The following RARS2 variants were observed in gnomAD, a reference collection of about 807,000 sequenced individuals.
RARS2 encodes arginyl-tRNA synthetase 2, mitochondrial.
A neutral mutation model predicts 88.5 loss-of-function variants in RARS2; 67 were observed. The ratio of observed to expected loss-of-function variants is 0.76; its 90% CI spans 0.62 to 0.93. RARS2 has a LOEUF of 0.93. RARS2 is among the 40% of genes least tolerant of loss of function. The probability of loss-of-function intolerance (pLI) is 0.00; values close to 1 mark genes in which losing one functional copy is unlikely to be tolerated. For missense variants in RARS2, 664 were observed against 684.2 expected, an observed-to-expected ratio of 0.97 and a Z score of 0.33; for synonymous variants, 239 against 230.3, an observed-to-expected ratio of 1.04 and a Z score of -0.34.
intron 8 of RARS2, among the ~76,000 whole-genome samples, chr6:87,533,114 T>C (rs2128074277): frequency 6.6e-6 from 1 of 152,242 alleles, no homozygotes; most frequent in South Asian, 2.1e-4. Context: ...TTTTTTTTCA[T>C]AAAGCCTTTC....
intron 1 of RARS2, 33 bp from the exon 2 acceptor site, chr6:87,569,623 T>C (rs1769001401): frequency 2.0e-6 from 3 of 1,513,056 alleles, no homozygotes; most frequent in East Asian, 2.3e-5. Context: ...CAGTGTAAGA[T>C]TGTTCACATA....
rs780327949 is a variant in RARS2 at position 87,541,978 on chromosome 6, G to A, written c.552C>T (p.Gly184=). ...TTTCCTCATAGCCAAACAGCTGGAA[G>A]CCAGTTCCCAGAAGACCTACCATGA... ...WGMQFGLLGT[G]FQLFGYEEKL... is the part of the protein sequence containing the mutation. The change falls in exon 8 of 20, where the codon GGC becomes GGT. Residue 184 remains glycine (G), a synonymous_variant. Coordinates refer to ENST00000369536, the MANE Select transcript of RARS2 (RefSeq NM_020320.5). The A allele has an allele frequency of 1.2e-6, 2 of 1,613,054 alleles. No homozygotes were observed. Among genetic ancestry groups the A allele is most frequent in the South Asian group, 2.2e-5 (2 of 91,056 alleles).
chr6:87,566,495 C>A (rs1448677853), intron 2 of RARS2, among the ~76,000 whole-genome samples: 1 of 152,026 alleles, frequency 6.6e-6, no homozygotes, highest in Non-Finnish European at 1.5e-5. Flanking sequence ...AAAAATAAAA[C>A]CTTTAAAAAG....
Position 87,568,763 on chromosome 6 carries a change from T to C in RARS2, c.110+754A>G, listed in dbSNP as rs1411417958. Reference sequence around the variant, plus strand: ...TCTTTGTTCTATTCTGAGAAGAATATTCATTCTACTCTTAAAGTCCTGACA... The same window carrying C: ...TCTTTGTTCTATTCTGAGAAGAATACTCATTCTACTCTTAAAGTCCTGACA... On this transcript the variant is annotated intron_variant, in intron 2 of 19. Transcript: ENST00000369536. Among the ~76,000 whole-genome samples, 5 of 152,338 alleles carry C rather than the reference T, an allele frequency of 3.3e-5. No individual in the cohort carries two copies. The East Asian group carries it at 9.6e-4, about 29-fold the overall frequency.
intron 4 of RARS2, among the ~76,000 whole-genome samples, chr6:87,556,916 T>C (rs1224467869): frequency 6.6e-6 from 1 of 151,496 alleles, no homozygotes; most frequent in Non-Finnish European, 1.5e-5. Context: ...CCTCCTAAAG[T>C]GCTGGGATTA....
At chr6:87,546,612 C>T (rs1158597899) in intron 6 of RARS2, among the ~76,000 whole-genome samples, 1 of 152,180 alleles carries the variant, frequency 6.6e-6, no homozygotes, top group African/African-American at 2.4e-5. Flanking sequence ...GAGGCAGGAG[C>T]TCCCTTGATG....
At chr6:87,574,398 T>C (rs1770753857) in intron 1 of RARS2, among the ~76,000 whole-genome samples, 1 of 152,190 alleles carries the variant, frequency 6.6e-6, no homozygotes, top group African/African-American at 2.4e-5. Context: ...GGAGTTTATA[T>C]TTTTGCAACC....
intron 8 of RARS2, among the ~76,000 whole-genome samples, chr6:87,531,491 C>CTAT: frequency 6.6e-6 from 1 of 152,316 alleles, no homozygotes; most frequent in South Asian, 2.1e-4. Flanking sequence ...AAACTGTTCT[C>CTAT]TAAATAGCTT....
At chr6:87,562,609 G>A in intron 4 of RARS2, 93 bp downstream of exon 4, 1 of 913,122 alleles carries the variant, frequency 1.1e-6, no homozygotes, top group East Asian at 2.5e-5. Context: ...TGAGGCCAGA[G>A]GAGGCATAAA....
Position 87,569,435 on chromosome 6 carries a change from G to A in RARS2, c.110+82C>T. 9.3e-6 allele frequency: 10 copies of A among 1,075,736 alleles called. No individual in the cohort carries two copies. The South Asian group carries it at 1.1e-4, about 12-fold the overall frequency. The allele number at this position is 1,075,736 out of a possible 1,614,324, so 66.6% of individuals were successfully genotyped here. A position where few individuals can be genotyped will look rare whatever the true frequency, so the allele number is the denominator to read the frequency against. Reference sequence around the variant, plus strand: ...CAAGGACTATTCCACAAACTGAAGAGTAACAATTCTTTTTTGCTTTTTTGG... The same window carrying A: ...CAAGGACTATTCCACAAACTGAAGAATAACAATTCTTTTTTGCTTTTTTGG... On this transcript the variant is annotated intron_variant, in intron 2 of 19. Coordinates refer to ENST00000369536, the MANE Select transcript of RARS2 (RefSeq NM_020320.5).
chr6:87,575,181 C>G (rs1413568865), intron 1 of RARS2, among the ~76,000 whole-genome samples: 3 of 150,216 alleles, frequency 2.0e-5, no homozygotes, highest in Non-Finnish European at 4.4e-5. Context: ...CTAACTTGAT[C>G]TCACTTATCA....
At chr6:87,546,727 T>A (rs555811748) in intron 6 of RARS2, among the ~76,000 whole-genome samples, 1 of 152,166 alleles carries the variant, frequency 6.6e-6, no homozygotes, top group Non-Finnish European at 1.5e-5. Flanking sequence ...CTACAATAAA[T>A]CCTCTTCTGC....
chr6:87,542,343 ACT>A (rs1402186680), intron 7 of RARS2, among the ~76,000 whole-genome samples: 2 of 152,116 alleles, frequency 1.3e-5, no homozygotes, highest in African/African-American at 4.8e-5. Context: ...TTAAGCATCT[ACT>A]CTGTTGAAGT....
chr6:87,519,116 G>A (rs138889883), intron 14 of RARS2: 14 of 489,342 alleles, frequency 2.9e-5, no homozygotes, highest in Non-Finnish European at 4.4e-5. Context: ...GATACTTGTA[G>A]GAAAAATAAA....
At chr6:87,518,568 T>A in intron 16 of RARS2, 62 bp downstream of exon 16, 1 of 1,499,312 alleles carries the variant, frequency 6.7e-7, no homozygotes, top group Non-Finnish European at 9.3e-7. Flanking sequence ...GGTCTTAGAA[T>A]CACAGGACCT....
intron 8 of RARS2, among the ~76,000 whole-genome samples, chr6:87,537,719 T>C (rs2128094211): frequency 6.6e-6 from 1 of 152,282 alleles, no homozygotes; most frequent in African/African-American, 2.4e-5. Context: ...CATCAAAGCT[T>C]TGAGAAAACA....
At chr6:87,541,793 C>T in intron 8 of RARS2, 125 bp downstream of exon 8, 1 of 717,236 alleles carries the variant, frequency 1.4e-6, no homozygotes, top group South Asian at 1.5e-5. Context: ...CACTGCACTC[C>T]AGCCTGGGCA....
At chr6:87,522,058 T>C (rs1468864548) in intron 11 of RARS2, among the ~76,000 whole-genome samples, 1 of 152,152 alleles carries the variant, frequency 6.6e-6, no homozygotes, top group Non-Finnish European at 1.5e-5. Flanking sequence ...CGGCCAGGTG[T>C]GGCGGCTCAC....
chr6:87,557,769 T>C (rs1786453934), intron 4 of RARS2, among the ~76,000 whole-genome samples: 1 of 152,226 alleles, frequency 6.6e-6, no homozygotes, highest in Admixed American at 6.5e-5. Flanking sequence ...CTTCTCAATT[T>C]CCTTTGTAGG....
Sources: gnomAD v4.1 joint callset for allele counts (sites outside exome capture counted in the v4.1 genomes callset) on GRCh38, gnomAD v4.1.1 for gene constraint, MANE v1.5 for transcripts, NCBI Gene and HGNC (gene_info 2026-07-23, HGNC 2026-07-21) for gene names.